The following ZNF385D variants were observed in gnomAD, a reference collection of about 807,000 sequenced individuals.
ZNF385D encodes zinc finger protein 659.
In ZNF385D, 15 loss-of-function variants were observed where a neutral mutation model predicts 35.8. The ratio of observed to expected loss-of-function variants is 0.42; its 90% CI spans 0.28 to 0.64. The LOEUF (loss-of-function observed/expected upper bound fraction) is 0.64, where lower values mean the gene tolerates loss of function less well. ZNF385D is among the 30% of genes least tolerant of loss of function. ZNF385D has a pLI of 0.23. For missense variants in ZNF385D, 474 were observed against 494.6 expected, an observed-to-expected ratio of 0.96 and a Z score of 0.39; for synonymous variants, 212 against 186.8, an observed-to-expected ratio of 1.13 and a Z score of -1.10.
At chr3:21,560,692 C>G (rs1188606973) in intron 3 of ZNF385D, among the ~76,000 whole-genome samples, 1 of 152,220 alleles carries the variant, frequency 6.6e-6, no homozygotes. Flanking sequence ...ATCCGCTGCT[C>G]TCTTCAGAGT....
At chr3:22,238,725 AT>A (rs1699327132) in intron 2 of ZNF385D, among the ~76,000 whole-genome samples, 1 of 150,476 alleles carries the variant, frequency 6.6e-6, no homozygotes, top group South Asian at 2.2e-4. Flanking sequence ...ATGTTTCTTA[AT>A]ATTTTTTATA....
rs141981897 is a variant in ZNF385D at position 21,988,943 on chromosome 3, C to G, written c.325+179874G>C. 1.7e-3 allele frequency among the ~76,000 whole-genome samples: 266 copies of G among 152,288 alleles called. 2 individuals are homozygous for G. The East Asian group carries it at 0.046, about 26-fold the overall frequency. On this transcript the variant is annotated intron_variant, in intron 3 of 5. Coordinates refer to the ZNF385D transcript ENST00000494108. ...AGTGACCCGATTTTCCAGGTGCGTC[C>G]ATCACCCCTTTCTTTGACTTGGACC...
At chr3:21,921,641 A>G (rs190982661) in intron 3 of ZNF385D, among the ~76,000 whole-genome samples, 742 of 151,990 alleles carry the variant, frequency 4.9e-3, no homozygotes, top group Middle Eastern at 0.017. Context: ...AAAAAGAGAC[A>G]TAAATATGTA....
chr3:21,939,587 G>A (rs996894425), intron 3 of ZNF385D, among the ~76,000 whole-genome samples: 1 of 151,906 alleles, frequency 6.6e-6, no homozygotes, highest in South Asian at 2.1e-4. Flanking sequence ...AGTATAGAAG[G>A]AATTAAATAT....
intron 3 of ZNF385D, among the ~76,000 whole-genome samples, chr3:21,990,132 G>T (rs1444581331): frequency 6.6e-6 from 1 of 152,174 alleles, no homozygotes; most frequent in Non-Finnish European, 1.5e-5. Flanking sequence ...TTTTTGTGAG[G>T]CTATGTCAGA....
At chr3:22,347,565 C>T (rs13316884) in intron 2 of ZNF385D, among the ~76,000 whole-genome samples, 502 of 152,254 alleles carry the variant, frequency 3.3e-3, no homozygotes, top group African/African-American at 0.012. Context: ...TCATTTGATG[C>T]TCAACAAAAT....
chr3:21,967,443 C>T lies in ZNF385D; in HGVS notation c.325+201374G>A, dbSNP rs140370799. On this transcript the variant is annotated intron_variant, in intron 3 of 5. Transcript: ENST00000494108. The stretch of plus-strand genomic sequence containing the variant: ...GATTATTTTATGGCAGAACAATAAT[C>T]CTGTTAAGAATTAAATATCTTGATG... Among the ~76,000 whole-genome samples, 1,412 of 152,208 alleles carry T rather than the reference C, an allele frequency of 9.3e-3. 25 individuals carry two copies. The highest frequency in any genetic ancestry group is 0.031 in the African/African-American group (1,292 of 41,534).
At chr3:21,775,560 A>T (rs1223218255) in intron 3 of ZNF385D, among the ~76,000 whole-genome samples, 1 of 151,888 alleles carries the variant, frequency 6.6e-6, no homozygotes. Flanking sequence ...TTTCTTTAGC[A>T]ATTAAGACCC....
chr3:22,210,048 T>C (rs187408900), intron 2 of ZNF385D, among the ~76,000 whole-genome samples: 33 of 151,294 alleles, frequency 2.2e-4, no homozygotes, highest in Admixed American at 1.3e-3. Flanking sequence ...ACCGAGAGGT[T>C]TGAAATAAAA....
chr3:22,166,614 T>A (rs1706346442), intron 3 of ZNF385D, among the ~76,000 whole-genome samples: 1 of 152,354 alleles, frequency 6.6e-6, no homozygotes, highest in Admixed American at 6.5e-5. Context: ...ATAAAATGTA[T>A]ATAAAGCCTT....
At chr3:21,805,706 T>G (rs1461849679) in intron 3 of ZNF385D, among the ~76,000 whole-genome samples, 1 of 152,114 alleles carries the variant, frequency 6.6e-6, no homozygotes, top group Non-Finnish European at 1.5e-5. Context: ...TTGCCAAGAG[T>G]ATAGCAACAC....
At position 21,817,821 on chromosome 3, in the gene ZNF385D, T is replaced by C. The variant is rs1264315811; in HGVS notation, c.326-152793A>G. 4.6e-5 allele frequency among the ~76,000 whole-genome samples: 7 copies of C among 152,330 alleles called. 1 individual carries two copies. The highest frequency in any genetic ancestry group is 1.4e-4 in the African/African-American group (6 of 41,576). Reference sequence around the variant, plus strand: ...CCATTTGACCCAGCCATCCCATTACTGGGTATATATCCAAAGGATTATACG... The same window carrying C: ...CCATTTGACCCAGCCATCCCATTACCGGGTATATATCCAAAGGATTATACG... On this transcript the variant is annotated intron_variant, in intron 3 of 5. Transcript: ENST00000494108.
intron 1 of ZNF385D, among the ~76,000 whole-genome samples, chr3:21,703,757 TG>T (rs533703789): frequency 1.1e-3 from 175 of 152,258 alleles, no homozygotes; most frequent in African/African-American, 4.0e-3. Flanking sequence ...GCTGGTGAGT[TG>T]GCCAAATATG....
rs114788195 is a variant in ZNF385D, at chr3:21,808,295, C to A, written c.326-143267G>T. Among the ~76,000 whole-genome samples the A allele has an allele frequency of 5.3e-3, 806 of 152,318 alleles. 6 individuals are homozygous for A. The highest frequency in any genetic ancestry group is 0.019 in the African/African-American group (781 of 41,572). ...TTAGGAAAAGTCCCCTTCTAACACA[C>A]ACTCTCTTTACAAAGAGACCTGTAG... On this transcript the variant is annotated intron_variant, in intron 3 of 5. Coordinates refer to the ZNF385D transcript ENST00000494108.
intron 2 of ZNF385D, among the ~76,000 whole-genome samples, chr3:21,614,037 A>G (rs993587586): frequency 6.6e-6 from 1 of 152,200 alleles, no homozygotes; most frequent in Non-Finnish European, 1.5e-5. Flanking sequence ...ACCCTAGATG[A>G]CAAAGGTTCT....
intron 3 of ZNF385D, among the ~76,000 whole-genome samples, chr3:21,796,060 C>T (rs1438229932): frequency 6.6e-6 from 1 of 152,162 alleles, no homozygotes; most frequent in Non-Finnish European, 1.5e-5. Flanking sequence ...TTTCTTCTCC[C>T]ACTTGGCATT....
intron 1 of ZNF385D, among the ~76,000 whole-genome samples, chr3:21,729,279 T>A (rs1191877606): frequency 1.3e-5 from 2 of 152,146 alleles, no homozygotes; most frequent in Non-Finnish European, 2.9e-5. Flanking sequence ...AATAAAACCC[T>A]AAAATCAATT....
At chr3:21,732,631 C>T (rs1397958168) in intron 1 of ZNF385D, among the ~76,000 whole-genome samples, 2 of 152,170 alleles carry the variant, frequency 1.3e-5, no homozygotes, top group African/African-American at 4.8e-5. Context: ...TTGCATATCT[C>T]TAATGATACA....
chr3:21,644,520 C>T (rs1446529802), intron 2 of ZNF385D, among the ~76,000 whole-genome samples: 4 of 152,146 alleles, frequency 2.6e-5, no homozygotes, highest in African/African-American at 9.7e-5. Flanking sequence ...AGAAAACACA[C>T]GCAGACATGG....
Sources: allele counts gnomAD v4.1 joint callset (sites outside exome capture counted in the v4.1 genomes callset), GRCh38; gene constraint gnomAD v4.1.1; transcripts MANE v1.5; gene names NCBI Gene and HGNC (gene_info 2026-07-23, HGNC 2026-07-21).